The following TNPO1 variants were observed in gnomAD, a reference collection of about 807,000 sequenced individuals.
TNPO1 encodes the protein transportin-1.
TNPO1 carries 8 observed loss-of-function variants against 119.5 expected under a neutral mutation model. That is an observed-to-expected ratio of 0.07 (90% confidence interval 0.04 to 0.12). TNPO1 has a LOEUF of 0.12. Ranked by LOEUF, TNPO1 falls within the 10% of genes least tolerant of loss-of-function variation. The probability of loss-of-function intolerance (pLI) is 1.00; values close to 1 mark genes in which losing one functional copy is unlikely to be tolerated. For synonymous variants in TNPO1, 362 were observed against 363.0 expected, an observed-to-expected ratio of 1.00 and a Z score of 0.03; for missense variants, 576 against 1,089.8, an observed-to-expected ratio of 0.53 and a Z score of 6.64.
chr5:72,877,833 T>TAATC (rs1418878172), intron 9 of TNPO1, among the ~76,000 whole-genome samples: 2 of 152,170 alleles, frequency 1.3e-5, no homozygotes, highest in Non-Finnish European at 2.9e-5. Context: ...CCACCCTGAG[T>TAATC]AATCACTGGT....
intron 13 of TNPO1, among the ~76,000 whole-genome samples, chr5:72,888,530 G>A (rs1748820195): frequency 6.6e-6 from 1 of 152,184 alleles, no homozygotes. Flanking sequence ...TGTTTGGCCA[G>A]GAGAATTTTG....
chr5:72,876,822 C>T (rs760655710), intron 8 of TNPO1, among the ~76,000 whole-genome samples: 2 of 151,970 alleles, frequency 1.3e-5, no homozygotes, highest in Admixed American at 6.6e-5. Flanking sequence ...TGGCCGGGTG[C>T]GGTGGCTCAC....
intron 9 of TNPO1, among the ~76,000 whole-genome samples, chr5:72,879,621 A>G (rs1748077412): frequency 6.6e-6 from 1 of 152,082 alleles, no homozygotes; most frequent in Non-Finnish European, 1.5e-5. Context: ...TGGCCTCCCA[A>G]AACTTTGGGA....
At chr5:72,863,865 CAT>C (rs1350347876) in intron 5 of TNPO1, among the ~76,000 whole-genome samples, 1 of 151,626 alleles carries the variant, frequency 6.6e-6, no homozygotes, top group African/African-American at 2.4e-5. Context: ...ATGGTAATAA[CAT>C]AAAAGAAGAT....
At position 72,816,719 on chromosome 5, in the gene TNPO1, A is replaced by G. The variant is rs1373778983; in HGVS notation, c.-19A>G. ...CAGTGCCGCTTCGGCCGAAGGCCCG[A>G]GCGCCCGAGGCGTCTGGGATGGTGT... is the stretch of plus-strand genomic sequence containing the variant. On this transcript the variant is annotated 5_prime_UTR_variant, in exon 1 of 25. Transcript: ENST00000337273. The G allele has an allele frequency of 2.5e-6, 4 of 1,570,830 alleles. No homozygotes were observed. In the African/African-American group the frequency reaches 4.2e-5, roughly 16 times the overall value.
chr5:72,874,336 A>G lies in TNPO1; in HGVS notation c.679-1279A>G, dbSNP rs562490570. On this transcript the variant is annotated intron_variant, in intron 7 of 24. Coordinates refer to ENST00000337273, the MANE Select transcript of TNPO1 (RefSeq NM_002270.4). ...CATGTCTGCTAAGTCTAACATATTG[A>G]TGAAAAGTTTATTGGTTACCAGTAC... 2.7e-4 allele frequency among the ~76,000 whole-genome samples: 41 copies of G among 152,234 alleles called. No individual in the cohort carries two copies. In the East Asian group the frequency reaches 7.5e-3, roughly 28 times the overall value.
chr5:72,860,784 G>A (rs1052251844), intron 4 of TNPO1, among the ~76,000 whole-genome samples: 4 of 152,136 alleles, frequency 2.6e-5, no homozygotes, highest in Admixed American at 1.3e-4. Flanking sequence ...ATTAAGTCAG[G>A]GAGCTATTTT....
chr5:72,848,783 G>C (rs1281445905), intron 2 of TNPO1, among the ~76,000 whole-genome samples: 1 of 148,332 alleles, frequency 6.7e-6, no homozygotes, highest in Non-Finnish European at 1.5e-5. Flanking sequence ...GCCGCCGCCC[G>C]GGATCGCGAC....
At chr5:72,870,054 A>T (rs1747262216) in intron 6 of TNPO1, among the ~76,000 whole-genome samples, 1 of 151,928 alleles carries the variant, frequency 6.6e-6, no homozygotes, top group African/African-American at 2.4e-5. Flanking sequence ...TATAAATTCT[A>T]CAGTTGTCAA....
At chr5:72,898,596 A>T (rs1357234245) in intron 20 of TNPO1, among the ~76,000 whole-genome samples, 1 of 152,138 alleles carries the variant, frequency 6.6e-6, no homozygotes, top group African/African-American at 2.4e-5. Flanking sequence ...AGATTTTAGC[A>T]GCTTTTAATT....
chr5:72,894,716 T>C (rs1749299546), intron 18 of TNPO1, among the ~76,000 whole-genome samples: 1 of 152,314 alleles, frequency 6.6e-6, no homozygotes, highest in South Asian at 2.1e-4. Flanking sequence ...ATTTAAAATA[T>C]TAATTGAATG....
intron 1 of TNPO1, among the ~76,000 whole-genome samples, chr5:72,838,223 A>T (rs116746818): frequency 6.6e-6 from 1 of 152,302 alleles, no homozygotes; most frequent in Non-Finnish European, 1.5e-5. Flanking sequence ...TACTGAATCC[A>T]TACATTATAC....
chr5:72,857,091 G>A (rs1021995749), intron 4 of TNPO1, among the ~76,000 whole-genome samples: 14 of 152,036 alleles, frequency 9.2e-5, no homozygotes, highest in African/African-American at 2.7e-4. Flanking sequence ...AGGCTGAGGC[G>A]GATGGATCAC....
chr5:72,881,489 C>T (rs1323314607), intron 9 of TNPO1, among the ~76,000 whole-genome samples: 2 of 152,274 alleles, frequency 1.3e-5, no homozygotes, highest in Non-Finnish European at 1.5e-5. Flanking sequence ...TTTCTTTAAC[C>T]AGGTTGTTGA....
chr5:72,906,466 A>G (rs1187647235), intron 24 of TNPO1, among the ~76,000 whole-genome samples: 1 of 150,802 alleles, frequency 6.6e-6, no homozygotes, highest in East Asian at 1.9e-4. Context: ...TAATTTTTGT[A>G]TTTTTAGTAG....
chr5:72,867,683 C>G (rs1426996674), intron 6 of TNPO1, among the ~76,000 whole-genome samples: 1 of 152,210 alleles, frequency 6.6e-6, no homozygotes, highest in Non-Finnish European at 1.5e-5. Context: ...ACTTCCCTTA[C>G]ATTTCTTGAT....
chr5:72,885,635 T>C lies in TNPO1; in HGVS notation c.1151-1435T>C, dbSNP rs966734578. ...TAGATTTCCTTTTGTTGCATGTCAGTGTACTGTTTAGTTGTATGGCTCTAC... is the reference window on the plus strand; with the variant it reads ...TAGATTTCCTTTTGTTGCATGTCAGCGTACTGTTTAGTTGTATGGCTCTAC... On this transcript the variant is annotated intron_variant, in intron 11 of 24. Coordinates refer to ENST00000337273, the MANE Select transcript of TNPO1 (RefSeq NM_002270.4). Among the ~76,000 whole-genome samples the C allele has an allele frequency of 4.6e-5, 7 of 152,324 alleles. No individual in the cohort carries two copies. The South Asian group carries it at 8.3e-4, about 18-fold the overall frequency.
intron 9 of TNPO1, among the ~76,000 whole-genome samples, chr5:72,879,837 T>C (rs1748096670): frequency 6.6e-6 from 1 of 152,188 alleles, no homozygotes; most frequent in Admixed American, 6.5e-5. Context: ...AGTGTTTGCA[T>C]AGGAATTAAA....
intron 1 of TNPO1, among the ~76,000 whole-genome samples, chr5:72,821,925 G>A (rs1296556148): frequency 6.6e-6 from 1 of 152,140 alleles, no homozygotes; most frequent in Non-Finnish European, 1.5e-5. Flanking sequence ...TAAAGGGCCA[G>A]GTAGCAAATA....
Sources: allele counts gnomAD v4.1 joint callset (sites outside exome capture counted in the v4.1 genomes callset), GRCh38; gene constraint gnomAD v4.1.1; transcripts MANE v1.5; gene names NCBI Gene and HGNC (gene_info 2026-07-23, HGNC 2026-07-21).